The following RASA2 variants were observed in gnomAD, a reference collection of about 807,000 sequenced individuals.
RASA2 encodes the protein ras GTPase-activating protein 2.
RASA2 carries 155 observed loss-of-function variants against 118.2 expected under a neutral mutation model. The ratio of observed to expected loss-of-function variants is 1.31; its 90% CI spans 1.15 to 1.50. The LOEUF (loss-of-function observed/expected upper bound fraction) is 1.50. RASA2 is among the 40% of genes most tolerant of loss of function. The pLI is 0.00. For missense variants in RASA2, 1,016 were observed against 1,009.6 expected (o/e 1.01, Z -0.09); for synonymous variants, 353 against 349.1 (o/e 1.01, Z -0.12).
intron 9 of RASA2, among the ~76,000 whole-genome samples, chr3:141,565,682 C>T (rs979485968): frequency 1.1e-4 from 17 of 152,288 alleles, no homozygotes; most frequent in African/African-American, 2.4e-4. Flanking sequence ...TCTCCCCAGC[C>T]GTGTGGAACT....
At chr3:141,550,217 T>C (rs2082552668) in intron 5 of RASA2, among the ~76,000 whole-genome samples, 1 of 152,042 alleles carries the variant, frequency 6.6e-6, no homozygotes, top group Non-Finnish European at 1.5e-5. Context: ...CTTAATTGAG[T>C]GATCAAAGTT....
intron 5 of RASA2, among the ~76,000 whole-genome samples, chr3:141,552,319 T>A (rs1392022653): frequency 6.6e-6 from 1 of 152,154 alleles, no homozygotes. Context: ...AGTAATATTG[T>A]ATTTGGGGGC....
intron 19 of RASA2, among the ~76,000 whole-genome samples, chr3:141,593,217 T>C (rs2083313856): frequency 6.6e-6 from 1 of 152,062 alleles, no homozygotes; most frequent in Non-Finnish European, 1.5e-5. Flanking sequence ...CCGGCTAATT[T>C]TGTATTTTTA....
At chr3:141,560,859 A>T (rs2082720574) in intron 9 of RASA2, among the ~76,000 whole-genome samples, 1 of 152,050 alleles carries the variant, frequency 6.6e-6, no homozygotes, top group African/African-American at 2.4e-5. Context: ...TTTCTTATGG[A>T]TATCAGTTTC....
In RASA2 at chr3:141,540,536, A is replaced by G. The variant is rs750779745; in HGVS notation, c.454A>G (p.Lys152Glu). Residue 152 changes from lysine to glutamate, a missense_variant, in exon 5 of 24, where the codon AAA becomes GAA. Physicochemically the swap from Lys to Glu is moderately conservative, Grantham distance 56. Coordinates refer to ENST00000286364, the MANE Select transcript of RASA2 (RefSeq NM_006506.5). ...TGTAATCTTTTTGTCATTATAGGGT[A>G]AAGTTCACCTTGAATTAAAACTGAA... is the stretch of plus-strand genomic sequence containing the variant. ...PVDSNSEVQG[K>E]VHLELKLNEL... is the part of the protein sequence containing the mutation. The G allele has an allele frequency of 6.2e-7, 1 of 1,609,520 alleles. No individual in the cohort carries two copies.
chr3:141,514,548 C>T (rs1031758868), intron 2 of RASA2, among the ~76,000 whole-genome samples: 1 of 152,168 alleles, frequency 6.6e-6, no homozygotes. Context: ...AAGTTAAAGG[C>T]TGTCAGTACC....
intron 19 of RASA2, among the ~76,000 whole-genome samples, chr3:141,599,197 A>G (rs2083423688): frequency 6.6e-6 from 1 of 151,204 alleles, no homozygotes; most frequent in Non-Finnish European, 1.5e-5. Context: ...AAAAAGAGAC[A>G]TGTCATGTTT....
intron 9 of RASA2, among the ~76,000 whole-genome samples, chr3:141,563,061 A>G (rs999006705): frequency 1.3e-5 from 2 of 152,134 alleles, no homozygotes; most frequent in South Asian, 2.1e-4. Flanking sequence ...GTCTACCTCA[A>G]TTTTAATTAC....
chr3:141,608,722 G>T (rs758131207), intron 21 of RASA2, 25 bp downstream of exon 21: 1 of 1,589,044 alleles, frequency 6.3e-7, no homozygotes, highest in East Asian at 2.2e-5. Context: ...GATTATAAAA[G>T]CAGTGTGTCA....
rs74730684 is a variant in RASA2, at chr3:141,607,278, T to G, written c.1934-400T>G. ...ATATAAAAATGCACATAGGTAGTCA[T>G]AGTCACTGCTTACATAGTAACTCCT... is the stretch of plus-strand genomic sequence containing the variant. On this transcript the variant is annotated intron_variant, in intron 19 of 23. Transcript: ENST00000286364. 1.4e-3 allele frequency among the ~76,000 whole-genome samples: 218 copies of G among 152,260 alleles called. 7 individuals are homozygous for G. The East Asian group carries it at 0.024, about 17-fold the overall frequency.
At chr3:141,539,012 A>G (rs934759667) in intron 4 of RASA2, among the ~76,000 whole-genome samples, 1 of 152,224 alleles carries the variant, frequency 6.6e-6, no homozygotes, top group African/African-American at 2.4e-5. Flanking sequence ...AATAAAATGT[A>G]TATATGTTAA....
At chr3:141,607,196 T>G (rs2083561627) in intron 19 of RASA2, among the ~76,000 whole-genome samples, 1 of 152,138 alleles carries the variant, frequency 6.6e-6, no homozygotes. Context: ...GAACAGTTTT[T>G]CAGTTTAGAA....
rs1361737596 is a variant in RASA2 at position 141,580,469 on chromosome 3, T to C, written c.1674+18T>C. 3 of 1,550,440 alleles carry C rather than the reference T, an allele frequency of 1.9e-6. No homozygotes were observed. ...AAAGCAAGGTAAGTCCTTACATCTTTTATTTTGTTTTTACACTTCTAAATG... is the reference window on the plus strand; with the variant it reads ...AAAGCAAGGTAAGTCCTTACATCTTCTATTTTGTTTTTACACTTCTAAATG... On this transcript the variant is annotated intron_variant, in intron 16 of 23. Coordinates refer to ENST00000286364, the MANE Select transcript of RASA2 (RefSeq NM_006506.5).
At chr3:141,557,558 T>C (rs73869665) in intron 7 of RASA2, among the ~76,000 whole-genome samples, 1,892 of 152,312 alleles carry the variant, frequency 0.012, 43 homozygotes, top group African/African-American at 0.043. Flanking sequence ...TGAAAGGCCT[T>C]GAGTGCCTAG....
At chr3:141,506,315 T>G (rs1476353156) in intron 1 of RASA2, among the ~76,000 whole-genome samples, 1 of 152,244 alleles carries the variant, frequency 6.6e-6, no homozygotes, top group Non-Finnish European at 1.5e-5. Context: ...TACTGTTTGC[T>G]GTGGGAACAA....
chr3:141,572,061 T>TAC (rs374643522), intron 11 of RASA2, among the ~76,000 whole-genome samples: 3,624 of 97,852 alleles, frequency 0.037, 63 homozygotes, highest in Middle Eastern at 0.062. Flanking sequence ...TATATATATA[T>TAC]ACACACACAC....
At chr3:141,536,003 C>T (rs1334664824) in intron 4 of RASA2, among the ~76,000 whole-genome samples, 1 of 152,162 alleles carries the variant, frequency 6.6e-6, no homozygotes, top group Non-Finnish European at 1.5e-5. Context: ...ATATGTAATA[C>T]ACAATTGAAA....
chr3:141,590,539 T>A (rs1023844140), intron 19 of RASA2, among the ~76,000 whole-genome samples: 1 of 152,236 alleles, frequency 6.6e-6, no homozygotes, highest in Non-Finnish European at 1.5e-5. Flanking sequence ...CTTTCTCCTG[T>A]AAATAAAATA....
At chr3:141,593,489 G>T (rs2107784900) in intron 19 of RASA2, among the ~76,000 whole-genome samples, 1 of 152,220 alleles carries the variant, frequency 6.6e-6, no homozygotes, top group South Asian at 2.1e-4. Flanking sequence ...CAGAGAGGCT[G>T]GAAATTGAGG....
Sources: allele counts gnomAD v4.1 joint callset (sites outside exome capture counted in the v4.1 genomes callset), GRCh38; gene constraint gnomAD v4.1.1; transcripts MANE v1.5; gene names NCBI Gene and HGNC (gene_info 2026-07-23, HGNC 2026-07-21).